Variants in KIF16B observed in about 807,000 individuals in gnomAD.
KIF16B encodes kinesin-like protein KIF16B.
KIF16B carries 98 observed loss-of-function variants against 156.3 expected under a neutral mutation model. The ratio of observed to expected loss-of-function variants is 0.63; its 90% CI spans 0.53 to 0.74. The LOEUF (loss-of-function observed/expected upper bound fraction) is 0.74, where lower values mean the gene tolerates loss of function less well. Among genes scored for constraint, KIF16B ranks in the 30% least tolerant of loss-of-function variants. The probability of loss-of-function intolerance (pLI) is 0.00; values close to 1 mark genes in which losing one functional copy is unlikely to be tolerated. For missense variants in KIF16B, 1,421 were observed against 1,606.5 expected (o/e 0.88, Z 1.97); for synonymous variants, 564 against 583.7 (o/e 0.97, Z 0.49).
At chr20:16,329,428 TTTTAA>T (rs1249197835) in intron 24 of KIF16B, among the ~76,000 whole-genome samples, 1 of 152,322 alleles carries the variant, frequency 6.6e-6, no homozygotes, top group Non-Finnish European at 1.5e-5. Flanking sequence ...CTTACACTGA[TTTTAA>T]TAGAGTCAAA....
At chr20:16,366,368 C>T (rs992161708) in intron 22 of KIF16B, among the ~76,000 whole-genome samples, 4 of 151,926 alleles carry the variant, frequency 2.6e-5, no homozygotes, top group African/African-American at 7.3e-5. Flanking sequence ...AAAGAAGCCA[C>T]GAGAGAAAGT....
intron 25 of KIF16B, among the ~76,000 whole-genome samples, chr20:16,288,701 A>G (rs1482305606): frequency 1.3e-5 from 2 of 151,462 alleles, no homozygotes; most frequent in Non-Finnish European, 2.9e-5. Context: ...GAGCATCTGT[A>G]TGGTATGTAC....
chr20:16,407,605 G>T (rs2065818768), intron 15 of KIF16B, among the ~76,000 whole-genome samples: 1 of 152,126 alleles, frequency 6.6e-6, no homozygotes, highest in Non-Finnish European at 1.5e-5. Flanking sequence ...CTAAGCTATA[G>T]AAAGGAGAAT....
At chr20:16,542,537 A>T (rs139865078) in intron 1 of KIF16B, among the ~76,000 whole-genome samples, 1 of 152,230 alleles carries the variant, frequency 6.6e-6, no homozygotes, top group East Asian at 1.9e-4. Flanking sequence ...GAAGGCAAGC[A>T]GCCAGAAAAG....
intron 15 of KIF16B, among the ~76,000 whole-genome samples, chr20:16,422,739 T>C (rs532433818): frequency 4.6e-5 from 7 of 152,230 alleles, no homozygotes; most frequent in South Asian, 4.1e-4. Flanking sequence ...AAAGTTTTAC[T>C]GAAAGAAATA....
intron 12 of KIF16B, among the ~76,000 whole-genome samples, chr20:16,492,204 G>A (rs959279334): frequency 2.0e-5 from 3 of 152,132 alleles, no homozygotes; most frequent in East Asian, 1.9e-4. Context: ...GCAGAAATAC[G>A]GGAAAGGATA....
chr20:16,330,795 T>C (rs1186776641), intron 24 of KIF16B, among the ~76,000 whole-genome samples: 1 of 152,250 alleles, frequency 6.6e-6, no homozygotes, highest in Admixed American at 6.5e-5. Context: ...AGATGACTGG[T>C]AACTCAGCAG....
intron 25 of KIF16B, among the ~76,000 whole-genome samples, chr20:16,293,863 G>T (rs2063345830): frequency 6.6e-6 from 1 of 152,126 alleles, no homozygotes; most frequent in Non-Finnish European, 1.5e-5. Flanking sequence ...TCCTGACTCA[G>T]TGCATGGGAG....
At chr20:16,564,345 T>A (rs2071173548) in intron 1 of KIF16B, among the ~76,000 whole-genome samples, 1 of 152,186 alleles carries the variant, frequency 6.6e-6, no homozygotes, top group Non-Finnish European at 1.5e-5. Context: ...TGTTGGACAT[T>A]TGGCTTGGTT....
At chr20:16,561,082 G>T (rs1462299426) in intron 1 of KIF16B, among the ~76,000 whole-genome samples, 3 of 152,046 alleles carry the variant, frequency 2.0e-5, no homozygotes, top group Non-Finnish European at 4.4e-5. Flanking sequence ...CTGAGGTCAG[G>T]AGTTCAAGAC....
At chr20:16,416,725 T>A (rs1014888) in intron 15 of KIF16B, among the ~76,000 whole-genome samples, 18,432 of 144,850 alleles carry the variant, frequency 0.13, 1,289 homozygotes, top group East Asian at 0.23. Context: ...CCCAGAACTT[T>A]AAAAAAAAAA....
chr20:16,505,079 G>T (rs6044037), intron 9 of KIF16B, among the ~76,000 whole-genome samples: 9 of 151,962 alleles, frequency 5.9e-5, no homozygotes, highest in Non-Finnish European at 2.9e-5. Flanking sequence ...TACAAACCAG[G>T]GTAAATCCCG....
rs2064706852 is a variant in KIF16B at position 16,367,654 on chromosome 20, A to G, written c.3498+2932T>C. The G allele has an allele frequency of 6.2e-7, 1 of 1,612,688 alleles. No homozygotes were observed. Among genetic ancestry groups the G allele is most frequent in the Non-Finnish European group, 8.5e-7 (1 of 1,179,796 alleles). On this transcript the variant is annotated intron_variant, in intron 22 of 25. Transcript: ENST00000354981. ...ATGAAGAAAGTAAATCATGTCAACC[A>G]AGGTAGTCTGGAATTTGGATGACAC...
chr20:16,483,257 C>T (rs1384522049), intron 12 of KIF16B, among the ~76,000 whole-genome samples: 1 of 152,182 alleles, frequency 6.6e-6, no homozygotes. Flanking sequence ...CAAACCATGC[C>T]TAAACTCCAT....
intron 22 of KIF16B, among the ~76,000 whole-genome samples, chr20:16,364,664 CAG>C (rs2064622044): frequency 6.6e-6 from 1 of 152,188 alleles, no homozygotes. Context: ...ACTTACTTCA[CAG>C]AGAGTAAATC....
chr20:16,410,109 A>ACATATATATATATGTT (rs2065904290), intron 15 of KIF16B, among the ~76,000 whole-genome samples: 3 of 112,008 alleles, frequency 2.7e-5, no homozygotes, highest in Non-Finnish European at 5.8e-5. Context: ...ATATATATGT[A>ACATATATATATATGTT]GGTACATATA....
At chr20:16,335,529 T>C (rs921137042) in intron 24 of KIF16B, among the ~76,000 whole-genome samples, 1 of 152,242 alleles carries the variant, frequency 6.6e-6, no homozygotes, top group Non-Finnish European at 1.5e-5. Flanking sequence ...GAATGTAGTC[T>C]TTCTTTTTTA....
At chr20:16,300,630 C>T (rs1450926877) in intron 25 of KIF16B, among the ~76,000 whole-genome samples, 2 of 152,116 alleles carry the variant, frequency 1.3e-5, no homozygotes, top group African/African-American at 4.8e-5. Context: ...AAATACATAA[C>T]TACCACATGA....
At chr20:16,453,545 A>G (rs148167836) in intron 12 of KIF16B, among the ~76,000 whole-genome samples, 1 of 152,306 alleles carries the variant, frequency 6.6e-6, no homozygotes, top group Non-Finnish European at 1.5e-5. Flanking sequence ...CTGGAAAAAA[A>G]TATTTACAAT....
Sources: gnomAD v4.1 joint callset for allele counts (sites outside exome capture counted in the v4.1 genomes callset) on GRCh38, gnomAD v4.1.1 for gene constraint, MANE v1.5 for transcripts, NCBI Gene and HGNC (gene_info 2026-07-23, HGNC 2026-07-21) for gene names.